DLG2: variants seen among roughly 807,000 people sequenced by gnomAD.
DLG2 encodes the protein discs large MAGUK scaffold protein 2.
Under a neutral mutation model 132.5 loss-of-function variants are expected in DLG2, and 45 were observed. The observed-to-expected ratio is 0.34, with a 90% CI of 0.27 to 0.44. The LOEUF (loss-of-function observed/expected upper bound fraction) is 0.44. Among genes scored for constraint, DLG2 ranks in the 20% least tolerant of loss-of-function variants. The pLI is 1.00. For synonymous variants in DLG2, 424 were observed against 419.6 expected (o/e 1.01, Z -0.13); for missense variants, 1,045 against 1,196.9 (o/e 0.87, Z 1.87).
intron 18 of DLG2, among the ~76,000 whole-genome samples, chr11:83,634,410 A>T (rs1271841869): frequency 6.6e-6 from 1 of 152,160 alleles, no homozygotes; most frequent in South Asian, 2.1e-4. Flanking sequence ...CAACCTAGAA[A>T]CTTCTATCAT....
At chr11:85,250,610 T>A (rs1565215604) in intron 4 of DLG2, among the ~76,000 whole-genome samples, 1 of 152,208 alleles carries the variant, frequency 6.6e-6, no homozygotes, top group Non-Finnish European at 1.5e-5. Flanking sequence ...TAGCTTCTGC[T>A]ACATTCACAT....
At chr11:85,149,483 C>T (rs1261259110) in intron 5 of DLG2, among the ~76,000 whole-genome samples, 1 of 152,146 alleles carries the variant, frequency 6.6e-6, no homozygotes. Context: ...TCTGATGCCA[C>T]TTCCCATCCC....
chr11:83,980,272 C>A (rs2092668175), intron 12 of DLG2, among the ~76,000 whole-genome samples: 1 of 152,112 alleles, frequency 6.6e-6, no homozygotes, highest in Non-Finnish European at 1.5e-5. Flanking sequence ...CATGTGAGGA[C>A]ACAGTGAGAA....
chr11:83,621,120 A>G (rs920919857), intron 19 of DLG2, among the ~76,000 whole-genome samples: 3 of 152,172 alleles, frequency 2.0e-5, no homozygotes, highest in Non-Finnish European at 4.4e-5. Flanking sequence ...TTCTTCTGGC[A>G]TTAAAATGCC....
At chr11:85,277,432 CT>C (rs1258529679) in intron 4 of DLG2, among the ~76,000 whole-genome samples, 1 of 152,056 alleles carries the variant, frequency 6.6e-6, no homozygotes, top group Non-Finnish European at 1.5e-5. Context: ...TCTAGTATTT[CT>C]GGTAAGTATG....
At chr11:85,421,141 G>T (rs191242478) in intron 3 of DLG2, among the ~76,000 whole-genome samples, 66 of 152,234 alleles carry the variant, frequency 4.3e-4, no homozygotes, top group Non-Finnish European at 8.2e-4. Context: ...TGAAGACCAC[G>T]GGAAAAGCAT....
chr11:85,165,288 TA>T (rs1566957207), intron 4 of DLG2, among the ~76,000 whole-genome samples: 1 of 152,168 alleles, frequency 6.6e-6, no homozygotes, highest in East Asian at 1.9e-4. Context: ...GTTGACAACA[TA>T]AAAAAAGAGG....
At chr11:85,389,649 A>T (rs2086635791) in intron 3 of DLG2, among the ~76,000 whole-genome samples, 1 of 152,236 alleles carries the variant, frequency 6.6e-6, no homozygotes, top group Non-Finnish European at 1.5e-5. Flanking sequence ...TATCAGATTA[A>T]CAGCAGTTTT....
intron 6 of DLG2, among the ~76,000 whole-genome samples, chr11:84,799,736 G>A (rs2075134362): frequency 5.3e-5 from 8 of 152,084 alleles, no homozygotes; most frequent in Admixed American, 5.2e-4. Context: ...ACTGTAAAGT[G>A]TTAAATCCAA....
intron 6 of DLG2, among the ~76,000 whole-genome samples, chr11:84,937,894 AAC>A (rs1393518395): frequency 6.6e-6 from 1 of 152,206 alleles, no homozygotes; most frequent in Admixed American, 6.5e-5. Flanking sequence ...TGTGTTTTCA[AAC>A]ACAGAGAAAC....
At chr11:84,887,480 A>C (rs548717340) in intron 6 of DLG2, 1 of 152,272 alleles carries the variant, frequency 6.6e-6, no homozygotes, top group Admixed American at 6.5e-5. Flanking sequence ...AAAGAAGCTC[A>C]TAACAACTGA....
intron 7 of DLG2, among the ~76,000 whole-genome samples, chr11:84,364,152 T>A (rs1028444717): frequency 2.6e-5 from 4 of 151,992 alleles, no homozygotes; most frequent in East Asian, 1.9e-4. Context: ...GCATGGAATG[T>A]TCTTCCATTT....
At chr11:84,390,300 T>A (rs2098788054) in intron 7 of DLG2, among the ~76,000 whole-genome samples, 1 of 152,178 alleles carries the variant, frequency 6.6e-6, no homozygotes, top group African/African-American at 2.4e-5. Flanking sequence ...GGTAATTATT[T>A]ATTAAATGTC....
intron 18 of DLG2, among the ~76,000 whole-genome samples, chr11:83,655,378 T>C (rs996797282): frequency 6.6e-6 from 1 of 152,218 alleles, no homozygotes; most frequent in African/African-American, 2.4e-5. Context: ...AGCATTATGA[T>C]ATAGACATTG....
At chr11:85,280,617 A>T (rs2078164540) in intron 4 of DLG2, among the ~76,000 whole-genome samples, 1 of 152,032 alleles carries the variant, frequency 6.6e-6, no homozygotes. Context: ...CATATACTTA[A>T]AGCAGAAGTG....
At chr11:84,655,880 G>C (rs2099687650) in intron 6 of DLG2, among the ~76,000 whole-genome samples, 1 of 152,008 alleles carries the variant, frequency 6.6e-6, no homozygotes, top group South Asian at 2.1e-4. Flanking sequence ...TCATTAGCCT[G>C]TGCTCAAGTA....
intron 18 of DLG2, among the ~76,000 whole-genome samples, chr11:83,696,480 C>G (rs1368969837): frequency 1.3e-5 from 2 of 152,136 alleles, no homozygotes; most frequent in Non-Finnish European, 2.9e-5. Flanking sequence ...AGTAAAGGCA[C>G]TCATTCCTTG....
chr11:84,000,553 T>C (rs1360261575), intron 11 of DLG2, among the ~76,000 whole-genome samples: 1 of 152,056 alleles, frequency 6.6e-6, no homozygotes, highest in East Asian at 1.9e-4. Context: ...ACAAAATATC[T>C]TCTCCATGGC....
chr11:84,512,453 TCTTA>T (rs1222604182), intron 7 of DLG2, among the ~76,000 whole-genome samples: 1 of 152,176 alleles, frequency 6.6e-6, no homozygotes, highest in African/African-American at 2.4e-5. Context: ...CACTTTCTTA[TCTTA>T]CTTATTTGTA....
Sources: gnomAD v4.1 joint callset for allele counts (sites outside exome capture counted in the v4.1 genomes callset) on GRCh38, gnomAD v4.1.1 for gene constraint, MANE v1.5 for transcripts, NCBI Gene and HGNC (gene_info 2026-07-23, HGNC 2026-07-21) for gene names.